The following AGBL1 variants were observed in gnomAD, a reference collection of about 807,000 sequenced individuals.
The protein encoded by AGBL1 is AGBL carboxypeptidase 1.
In AGBL1, 130 loss-of-function variants were observed where a neutral mutation model predicts 118.9. That is an observed-to-expected ratio of 1.09 (90% CI 0.95 to 1.26). AGBL1 has a LOEUF of 1.26. Ranked by LOEUF, AGBL1 falls within the 50% of genes most tolerant of loss-of-function variation. The probability of loss-of-function intolerance (pLI) is 0.00; values close to 1 mark genes in which losing one functional copy is unlikely to be tolerated. For missense variants in AGBL1, 1,584 were observed against 1,298.1 expected, an observed-to-expected ratio of 1.22 and a Z score of -3.38; for synonymous variants, 555 against 478.9, an observed-to-expected ratio of 1.16 and a Z score of -2.08.
At chr15:86,825,736 G>GGAAA (rs1230805276) in intron 22 of AGBL1, among the ~76,000 whole-genome samples, 5 of 146,834 alleles carry the variant, frequency 3.4e-5, no homozygotes, top group Admixed American at 1.3e-4. Flanking sequence ...AGGGAGGTAG[G>GGAAA]GAAAGAAAGA....
intron 24 of AGBL1, among the ~76,000 whole-genome samples, chr15:87,019,441 T>C (rs532876719): frequency 6.6e-6 from 1 of 152,054 alleles, no homozygotes; most frequent in African/African-American, 2.4e-5. Flanking sequence ...CACAGTGCAA[T>C]CAAATTAGAA....
intron 18 of AGBL1, among the ~76,000 whole-genome samples, chr15:86,421,714 A>G (rs1467434637): frequency 6.7e-6 from 1 of 150,180 alleles, no homozygotes. Flanking sequence ...CCCATCTCAC[A>G]TGCAAAGACA....
intron 9 of AGBL1, among the ~76,000 whole-genome samples, chr15:86,260,107 A>G (rs1009966380): frequency 1.1e-4 from 16 of 152,258 alleles, no homozygotes; most frequent in Admixed American, 1.0e-3. Context: ...ATTGTAGAGA[A>G]GGAGAGGAGC....
intron 5 of AGBL1, among the ~76,000 whole-genome samples, chr15:86,188,727 T>C (rs1330109410): frequency 6.6e-6 from 1 of 152,190 alleles, no homozygotes; most frequent in Non-Finnish European, 1.5e-5. Flanking sequence ...AGTGATAGCT[T>C]CTTAGACATG....
chr15:86,536,923 T>A (rs1845375059), intron 19 of AGBL1, among the ~76,000 whole-genome samples: 1 of 152,174 alleles, frequency 6.6e-6, no homozygotes, highest in African/African-American at 2.4e-5. Flanking sequence ...GGAAGAGACT[T>A]GTGCATGTCT....
intron 22 of AGBL1, among the ~76,000 whole-genome samples, chr15:86,839,389 C>T (rs2079215040): frequency 6.6e-6 from 1 of 152,318 alleles, no homozygotes; most frequent in South Asian, 2.1e-4. Flanking sequence ...CATAGGGGCC[C>T]TCATCCTCTG....
At chr15:86,247,475 C>T (rs150286949) in intron 6 of AGBL1, among the ~76,000 whole-genome samples, 196 bp from the exon 7 acceptor site, 33 of 152,306 alleles carry the variant, frequency 2.2e-4, no homozygotes, top group Non-Finnish European at 4.7e-4. Context: ...TCGGGTGGCA[C>T]GTGATGACTG....
chr15:86,233,110 A>G (rs977819596), intron 6 of AGBL1, among the ~76,000 whole-genome samples: 1 of 152,210 alleles, frequency 6.6e-6, no homozygotes, highest in Non-Finnish European at 1.5e-5. Context: ...TGGTAAACGA[A>G]GAGCTAAAAT....
intron 23 of AGBL1, among the ~76,000 whole-genome samples, chr15:86,941,108 T>TA (rs1250181240): frequency 2.0e-5 from 3 of 152,164 alleles, no homozygotes; most frequent in East Asian, 1.9e-4. Context: ...TGATATGAAG[T>TA]AAAAAACATG....
chr15:86,559,070 CT>C (rs1328560342), intron 21 of AGBL1, among the ~76,000 whole-genome samples: 1 of 152,138 alleles, frequency 6.6e-6, no homozygotes, highest in Non-Finnish European at 1.5e-5. Context: ...CAACGCATCA[CT>C]ACAATTTCTT....
chr15:86,082,108 G>T (rs536349302), intron 1 of AGBL1, among the ~76,000 whole-genome samples: 28 of 152,324 alleles, frequency 1.8e-4, no homozygotes, highest in African/African-American at 6.5e-4. Flanking sequence ...TGCACCAAGT[G>T]CTTCCCTAAG....
intron 18 of AGBL1, among the ~76,000 whole-genome samples, chr15:86,507,775 C>A (rs1287193734): frequency 6.6e-6 from 1 of 152,018 alleles, no homozygotes; most frequent in Non-Finnish European, 1.5e-5. Flanking sequence ...GTGGCTTAGA[C>A]AGGGTGGTAG....
chr15:86,136,165 T>C (rs2076885805), intron 1 of AGBL1, among the ~76,000 whole-genome samples: 1 of 152,172 alleles, frequency 6.6e-6, no homozygotes, highest in African/African-American at 2.4e-5. Context: ...CCCAGCCAAG[T>C]TCTGGCCAAA....
intron 22 of AGBL1, among the ~76,000 whole-genome samples, chr15:86,693,276 T>C (rs921119065): frequency 1.3e-5 from 2 of 152,154 alleles, no homozygotes; most frequent in African/African-American, 2.4e-5. Context: ...CATCTATTTT[T>C]TTTTAATTAC....
chr15:87,001,792 C>G (rs149023819), intron 24 of AGBL1, among the ~76,000 whole-genome samples: 1,874 of 152,132 alleles, frequency 0.012, 25 homozygotes, highest in Non-Finnish European at 0.016. Flanking sequence ...TGAGAAGTGT[C>G]TGTTCATATC....
chr15:86,922,254 A>G (rs916621496), intron 23 of AGBL1, among the ~76,000 whole-genome samples: 4 of 152,258 alleles, frequency 2.6e-5, no homozygotes, highest in African/African-American at 7.2e-5. Flanking sequence ...ACATTGTTGC[A>G]TATAGCAAAA....
rs1353664602 is a variant in AGBL1 at position 86,256,902 on chromosome 15, A to C, written c.785A>C (p.Gln262Pro). ...SMEPVISVVLQILRQCYPTSP... is the reference protein window; with the variant it reads ...SMEPVISVVLPILRQCYPTSP... ...GAGCCCGTCATCTCTGTGGTGCTTCAGATCCTGAGGCAGTGCTACCCTACG... is the reference window on the plus strand; with the variant it reads ...GAGCCCGTCATCTCTGTGGTGCTTCCGATCCTGAGGCAGTGCTACCCTACG... Residue 262 changes from glutamine (Q) to proline (P), a missense_variant, in exon 8 of 23, where the codon CAG (glutamine) becomes CCG (proline). Gln to Pro is a moderately conservative substitution (Grantham distance 76, BLOSUM62 -1). Transcript: ENST00000614907. 1 of 1,613,928 alleles carries C rather than the reference A, an allele frequency of 6.2e-7. No homozygotes were observed. The highest frequency in any genetic ancestry group is 1.7e-5 in the Admixed American group (1 of 59,998).
At chr15:86,641,732 C>T (rs980642380) in intron 21 of AGBL1, among the ~76,000 whole-genome samples, 9 of 152,010 alleles carry the variant, frequency 5.9e-5, no homozygotes, top group Non-Finnish European at 1.2e-4. Context: ...GCTTGGGCAA[C>T]ATAGTGAGAC....
chr15:86,177,819 A>G (rs2077501438), intron 5 of AGBL1, among the ~76,000 whole-genome samples: 1 of 152,234 alleles, frequency 6.6e-6, no homozygotes, highest in Admixed American at 6.5e-5. Context: ...GTAGGCACAT[A>G]TCAGAAAAGA....
Sources: allele counts gnomAD v4.1 joint callset (sites outside exome capture counted in the v4.1 genomes callset), GRCh38; gene constraint gnomAD v4.1.1; transcripts MANE v1.5; gene names NCBI Gene and HGNC (gene_info 2026-07-23, HGNC 2026-07-21).